DCLK1: variants seen among roughly 807,000 people sequenced by gnomAD.
DCLK1 encodes serine/threonine-protein kinase DCLK1.
A neutral mutation model predicts 86.2 loss-of-function variants in DCLK1; 16 were observed. That is an observed-to-expected ratio of 0.19 (90% confidence interval 0.13 to 0.28). The LOEUF (loss-of-function observed/expected upper bound fraction) is 0.28. Among genes scored for constraint, DCLK1 ranks in the 10% least tolerant of loss-of-function variants. DCLK1 has a pLI of 1.00. For synonymous variants in DCLK1, 369 were observed against 370.5 expected (o/e 1.00, Z 0.05); for missense variants, 590 against 940.2 (o/e 0.63, Z 4.87).
intron 5 of DCLK1, among the ~76,000 whole-genome samples, chr13:35,859,705 A>C (rs934521807): frequency 2.0e-5 from 3 of 152,156 alleles, no homozygotes; most frequent in African/African-American, 7.2e-5. Context: ...AGGGCCCTAG[A>C]TATCAACCTA....
At chr13:36,068,163 G>C (rs953042715) in intron 3 of DCLK1, among the ~76,000 whole-genome samples, 14 of 152,106 alleles carry the variant, frequency 9.2e-5, no homozygotes, top group Non-Finnish European at 2.1e-4. Flanking sequence ...AAAAAACAGA[G>C]CCAAATTTGC....
rs548545893 is a variant in DCLK1 at position 35,775,177 on chromosome 13, C to T, written c.2059-478G>A. Among the ~76,000 whole-genome samples the T allele has an allele frequency of 3.9e-5, 6 of 152,282 alleles. 1 individual carries two copies. In the Middle Eastern group the frequency reaches 0.017, roughly 432 times the overall value. ...CATGGAAACGGAGCCACGGCTCATC[C>T]TGTTCTTTTAGCACCTCCTCACTCT... is the stretch of plus-strand genomic sequence containing the variant. On this transcript the variant is annotated intron_variant, in intron 16 of 16. Coordinates refer to ENST00000360631, the MANE Select transcript of DCLK1 (RefSeq NM_001330071.2).
chr13:35,916,718 C>T (rs1161045348), intron 4 of DCLK1, among the ~76,000 whole-genome samples: 1 of 152,094 alleles, frequency 6.6e-6, no homozygotes, highest in African/African-American at 2.4e-5. Flanking sequence ...TGCATGCATA[C>T]ATATTACATA....
intron 6 of DCLK1, among the ~76,000 whole-genome samples, chr13:35,843,572 T>C (rs17180971): frequency 0.023 from 3,566 of 152,310 alleles, 81 homozygotes; most frequent in Admixed American, 0.062. Flanking sequence ...GAGTTACTCT[T>C]GCCATTTGTA....
rs554935627 is a variant in DCLK1 at position 35,996,870 on chromosome 13, G to A, written c.724-49413C>T. ...TTTATTTTTGCCCATTTAATACTGA[G>A]AGTGAGCATTCGACCTGTTGGCCAC... On this transcript the variant is annotated intron_variant, in intron 3 of 16. Coordinates refer to ENST00000360631, the MANE Select transcript of DCLK1 (RefSeq NM_001330071.2). Among the ~76,000 whole-genome samples, 43 of 152,284 alleles carry A rather than the reference G, an allele frequency of 2.8e-4. No individual in the cohort carries two copies. In the South Asian group the frequency reaches 8.9e-3, roughly 32 times the overall value.
intron 3 of DCLK1, among the ~76,000 whole-genome samples, chr13:36,103,384 A>T (rs1474970602): frequency 6.7e-6 from 1 of 149,062 alleles, no homozygotes; most frequent in Non-Finnish European, 1.5e-5. Context: ...AACCTGGGAG[A>T]CAGAACAAGA....
intron 3 of DCLK1, among the ~76,000 whole-genome samples, chr13:36,064,386 C>T (rs147147376): frequency 4.6e-5 from 7 of 152,092 alleles, no homozygotes; most frequent in Non-Finnish European, 1.0e-4. Flanking sequence ...GTGGCGTGGG[C>T]GTGGCGGCTC....
chr13:35,786,853 A>G (rs1566531149), intron 16 of DCLK1, among the ~76,000 whole-genome samples: 1 of 152,216 alleles, frequency 6.6e-6, no homozygotes, highest in Non-Finnish European at 1.5e-5. Flanking sequence ...TACATGCATT[A>G]TAAATGGAGA....
chr13:35,858,908 G>GC (rs1172225910), intron 5 of DCLK1, among the ~76,000 whole-genome samples: 1 of 152,172 alleles, frequency 6.6e-6, no homozygotes, highest in Non-Finnish European at 1.5e-5. Flanking sequence ...ATACAGAAGA[G>GC]CATTAGCAAC....
At chr13:35,787,096 T>C (rs1309326341) in intron 16 of DCLK1, among the ~76,000 whole-genome samples, 3 of 150,712 alleles carry the variant, frequency 2.0e-5, no homozygotes, top group Non-Finnish European at 4.4e-5. Flanking sequence ...TATATATATA[T>C]ATACACACAC....
At chr13:35,923,437 G>A (rs904390328) in intron 4 of DCLK1, among the ~76,000 whole-genome samples, 7 of 151,834 alleles carry the variant, frequency 4.6e-5, no homozygotes, top group African/African-American at 9.7e-5. Context: ...CTGGGAACAC[G>A]GCCAGGGCTT....
intron 3 of DCLK1, among the ~76,000 whole-genome samples, chr13:36,085,389 T>C (rs916292844): frequency 1.3e-5 from 2 of 152,084 alleles, no homozygotes; most frequent in Non-Finnish European, 1.5e-5. Context: ...AATCCAAAGG[T>C]TGGGTTTTTT....
chr13:35,949,243 C>T (rs1412193295), intron 3 of DCLK1, among the ~76,000 whole-genome samples: 2 of 152,130 alleles, frequency 1.3e-5, no homozygotes, highest in African/African-American at 4.8e-5. Context: ...TTCTCAAAAC[C>T]CTTAATGTTC....
Position 35,774,693 on chromosome 13 carries a change from C to T in DCLK1, c.2065G>A (p.Ala689Thr). 1 of 1,611,666 alleles carries T rather than the reference C, an allele frequency of 6.2e-7. No individual in the cohort carries two copies. Among genetic ancestry groups the T allele is most frequent in the East Asian group, 2.2e-5 (1 of 44,808 alleles). Residue 689 changes from alanine to threonine, a missense_variant, in exon 17 of 17, where the codon GCT becomes ACT. Transcript: ENST00000360631. ...AAAACCTGCCTCTCCTTATCAAGAG[C>T]GGTGGTCTAGCAGGGGCATAAAATG... ...AAGVSVIATT[A>T]LDKERQVFRR... is the part of the protein sequence containing the mutation.
intron 5 of DCLK1, among the ~76,000 whole-genome samples, chr13:35,862,147 T>G (rs550489412): frequency 6.6e-6 from 1 of 152,308 alleles, no homozygotes; most frequent in Non-Finnish European, 1.5e-5. Flanking sequence ...TATGTTTCTA[T>G]TATTCAAATC....
chr13:35,789,664 A>G (rs2086678833), intron 16 of DCLK1, among the ~76,000 whole-genome samples: 1 of 152,238 alleles, frequency 6.6e-6, no homozygotes, highest in South Asian at 2.1e-4. Context: ...ACTTTAAAGC[A>G]TTAGGAAAAT....
intron 11 of DCLK1, among the ~76,000 whole-genome samples, chr13:35,822,014 A>C (rs2087405664): frequency 6.6e-6 from 1 of 152,076 alleles, no homozygotes; most frequent in Non-Finnish European, 1.5e-5. Flanking sequence ...CTTAAAAACC[A>C]ATTATAATTT....
chr13:35,822,932 C>T, intron 10 of DCLK1, 57 bp from the exon 11 acceptor site: 1 of 1,592,774 alleles, frequency 6.3e-7, no homozygotes, highest in South Asian at 1.1e-5. Flanking sequence ...GTGGGGCCAC[C>T]TGCAGAGGCC....
At chr13:35,969,557 T>A (rs1878964750) in intron 3 of DCLK1, among the ~76,000 whole-genome samples, 1 of 152,118 alleles carries the variant, frequency 6.6e-6, no homozygotes, top group Admixed American at 6.5e-5. Flanking sequence ...GATAATACAT[T>A]TCTGTTGTTT....
Sources: allele counts gnomAD v4.1 joint callset (sites outside exome capture counted in the v4.1 genomes callset), GRCh38; gene constraint gnomAD v4.1.1; transcripts MANE v1.5; gene names NCBI Gene and HGNC (gene_info 2026-07-23, HGNC 2026-07-21).